ASB3: variants seen among roughly 807,000 people sequenced by gnomAD.
ASB3 encodes the protein ankyrin repeat and SOCS box containing 3, also known as ankyrin repeat and SOCS box protein 3.
Under a neutral mutation model 54.5 loss-of-function variants are expected in ASB3, and 41 were observed. The observed-to-expected ratio is 0.75, with a 90% CI of 0.59 to 0.98. ASB3 has a LOEUF of 0.98. Ranked by LOEUF, ASB3 falls within the 50% of genes least tolerant of loss-of-function variation. ASB3 has a pLI of 0.00. For missense variants in ASB3, 733 were observed against 620.0 expected (o/e 1.18, Z -1.94); for synonymous variants, 266 against 221.2 (o/e 1.20, Z -1.80).
chr2:53,752,807 A>G (rs769735873), intron 2 of ASB3, among the ~76,000 whole-genome samples: 1 of 152,244 alleles, frequency 6.6e-6, no homozygotes, highest in Non-Finnish European at 1.5e-5. Context: ...AAATGCAGAA[A>G]GGAAGGTACC....
At chr2:53,717,243 G>T (rs1469686928) in intron 5 of ASB3, among the ~76,000 whole-genome samples, 2 of 152,090 alleles carry the variant, frequency 1.3e-5, no homozygotes, top group Non-Finnish European at 2.9e-5. Flanking sequence ...ATCAAACATG[G>T]ATAATATTTC....
At chr2:53,782,918 C>T (rs1043562194) in intron 1 of ASB3, among the ~76,000 whole-genome samples, 2 of 152,034 alleles carry the variant, frequency 1.3e-5, no homozygotes, top group African/African-American at 4.8e-5. Flanking sequence ...TCTTGAGTAG[C>T]TGGGATTACA....
In ASB3 at chr2:53,700,431, T is replaced by C. The variant is rs765376380; in HGVS notation, c.1078A>G (p.Ile360Val). Residue 360 changes from isoleucine (I) to valine (V), a missense_variant, in exon 8 of 10, where the codon ATA becomes GTA. Transcript: ENST00000263634. ...CCTTTCCTCAAAAAGTAGCGAAATA[T>C]CGAAAACTTCTCGTACTTCAGGCAG... is the stretch of plus-strand genomic sequence containing the variant. ...AYCLKYEKFS[I>V]FRYFLRKGCS... 1.2e-5 allele frequency: 20 copies of C among 1,614,006 alleles called. No homozygotes were observed. Among genetic ancestry groups the C allele is most frequent in the Admixed American group, 1.7e-5 (1 of 59,976 alleles).
chr2:53,683,047 A>G (rs1298222689), intron 9 of ASB3, among the ~76,000 whole-genome samples: 1 of 152,112 alleles, frequency 6.6e-6, no homozygotes, highest in East Asian at 1.9e-4. Context: ...CATCTTTGTC[A>G]TGTTCCAGAT....
At chr2:53,672,028 G>A (rs1178901704) in intron 9 of ASB3, among the ~76,000 whole-genome samples, 1 of 151,998 alleles carries the variant, frequency 6.6e-6, no homozygotes, top group African/African-American at 2.4e-5. Context: ...ATACCCATAG[G>A]GCTTGAGACC....
At position 53,689,257 on chromosome 2, in the gene ASB3, T is replaced by C. The variant is rs185259904; in HGVS notation, c.1369+4627A>G. ...ACCATTATATTCTGTCTGCTGTTCA[T>C]GCAGAACCTGCACCAGAGCATTACC... On this transcript the variant is annotated intron_variant, in intron 9 of 9. Coordinates refer to ENST00000263634, the MANE Select transcript of ASB3 (RefSeq NM_016115.5). Among the ~76,000 whole-genome samples the C allele has an allele frequency of 5.3e-5, 8 of 152,336 alleles. No homozygotes were observed. In the East Asian group the frequency reaches 1.5e-3, roughly 29 times the overall value.
intron 5 of ASB3, 58 bp from the exon 6 acceptor site, chr2:53,716,801 CA>C: frequency 6.6e-7 from 1 of 1,508,064 alleles, no homozygotes; most frequent in Non-Finnish European, 8.9e-7. Flanking sequence ...AAAATCAACA[CA>C]AATTTCAAAG....
chr2:53,673,303 C>A (rs866522096), intron 9 of ASB3, among the ~76,000 whole-genome samples: 1 of 152,254 alleles, frequency 6.6e-6, no homozygotes, highest in Middle Eastern at 3.4e-3. Context: ...GATGGCTGTG[C>A]AACCCGGAGG....
intron 3 of ASB3, among the ~76,000 whole-genome samples, chr2:53,736,431 G>C (rs1671631231): frequency 1.3e-5 from 2 of 152,216 alleles, no homozygotes; most frequent in African/African-American, 4.8e-5. Flanking sequence ...AGGTGCGGTG[G>C]CTCACGCCTG....
intron 1 of ASB3, among the ~76,000 whole-genome samples, chr2:53,780,889 G>C (rs1258508046): frequency 1.3e-5 from 2 of 152,208 alleles, no homozygotes; most frequent in African/African-American, 4.8e-5. Flanking sequence ...AGGTGTTCAT[G>C]TGTCAGAGAA....
rs527481294 is a variant in ASB3, at chr2:53,734,071, G to A, written c.356-4501C>T. The stretch of plus-strand genomic sequence containing the variant: ...TTTAAGCAGTTTTCCGCCCTGGGTG[G>A]GCCAGGTGTCCCTTGCCCTCATTCC... On this transcript the variant is annotated intron_variant, in intron 3 of 9. Transcript: ENST00000263634. Among the ~76,000 whole-genome samples, 21 of 152,294 alleles carry A rather than the reference G, an allele frequency of 1.4e-4. No homozygotes were observed. The East Asian group carries it at 3.9e-3, about 28-fold the overall frequency.
intron 3 of ASB3, among the ~76,000 whole-genome samples, chr2:53,747,611 C>T (rs922872799): frequency 4.6e-5 from 7 of 152,178 alleles, no homozygotes; most frequent in African/African-American, 1.7e-4. Flanking sequence ...TCTCAGAATC[C>T]TTCATTCTTT....
At chr2:53,762,770 G>C (rs1038703768) in intron 2 of ASB3, among the ~76,000 whole-genome samples, 1 of 152,056 alleles carries the variant, frequency 6.6e-6, no homozygotes, top group African/African-American at 2.4e-5. Context: ...TGTTATCTGT[G>C]CTAATATGTT....
At chr2:53,699,801 G>A (rs1323579361) in intron 8 of ASB3, among the ~76,000 whole-genome samples, 1 of 152,110 alleles carries the variant, frequency 6.6e-6, no homozygotes, top group Non-Finnish European at 1.5e-5. Context: ...CCCTTCTGAG[G>A]AACTACCTGA....
intron 9 of ASB3, among the ~76,000 whole-genome samples, chr2:53,683,752 A>G (rs191853876): frequency 1.8e-4 from 27 of 152,072 alleles, no homozygotes; most frequent in African/African-American, 5.5e-4. Context: ...AGGTTTTCCC[A>G]TTTCTTGGCA....
chr2:53,714,504 G>T lies in ASB3; in HGVS notation c.860C>A (p.Ala287Glu). 1 of 1,614,222 alleles carries T rather than the reference G, an allele frequency of 6.2e-7. No individual in the cohort carries two copies. The highest frequency in any genetic ancestry group is 8.5e-7 in the Non-Finnish European group (1 of 1,180,030). ...GLNKVSPVYS[A>E]VFGGHEDCLE... ...GCAATCTTCATGTCCCCCAAACACTGCTGAGTAAACAGGGCTTACTTTGTT... is the reference window on the plus strand; with the variant it reads ...GCAATCTTCATGTCCCCCAAACACTTCTGAGTAAACAGGGCTTACTTTGTT... Residue 287 changes from alanine (A) to glutamate (E), a missense_variant, in exon 7 of 10, where the codon GCA becomes GAA. Coordinates refer to ENST00000263634, the MANE Select transcript of ASB3 (RefSeq NM_016115.5).
intron 3 of ASB3, among the ~76,000 whole-genome samples, chr2:53,738,967 TAGAAG>T (rs1461463477): frequency 1.3e-5 from 2 of 152,022 alleles, no homozygotes; most frequent in Non-Finnish European, 2.9e-5. Context: ...TCCAAACAGG[TAGAAG>T]AGAAAAGCCA....
chr2:53,716,159 G>A (rs1171678236), intron 6 of ASB3, among the ~76,000 whole-genome samples: 3 of 152,168 alleles, frequency 2.0e-5, no homozygotes, highest in African/African-American at 7.2e-5. Context: ...GGACTACTTA[G>A]CACACACTCC....
chr2:53,742,684 G>C (rs1209251171), intron 3 of ASB3, among the ~76,000 whole-genome samples: 1 of 151,026 alleles, frequency 6.6e-6, no homozygotes, highest in Non-Finnish European at 1.5e-5. Context: ...AATTGAAATT[G>C]AAAGAAACAC....
Sources: gnomAD v4.1 joint callset for allele counts (sites outside exome capture counted in the v4.1 genomes callset) on GRCh38, gnomAD v4.1.1 for gene constraint, MANE v1.5 for transcripts, NCBI Gene and HGNC (gene_info 2026-07-23, HGNC 2026-07-21) for gene names.